Variants in ZNF600 observed in about 807,000 individuals in gnomAD.
The protein encoded by ZNF600 is zinc finger protein 600.
A neutral mutation model predicts 7.3 loss-of-function variants in ZNF600; 4 were observed. That is an observed-to-expected ratio of 0.55 (90% CI 0.27 to 1.25). ZNF600 has a LOEUF of 1.25. Ranked by LOEUF, ZNF600 falls within the 50% of genes most tolerant of loss-of-function variation. The probability of loss-of-function intolerance (pLI) is 0.12; values close to 1 mark genes in which losing one functional copy is unlikely to be tolerated. For missense variants in ZNF600, 911 were observed against 922.1 expected (o/e 0.99, Z 0.16); for synonymous variants, 290 against 308.9 (o/e 0.94, Z 0.64).
chr19:52,773,367 C>T (rs1454545957), intron 3 of ZNF600, among the ~76,000 whole-genome samples: 1 of 152,132 alleles, frequency 6.6e-6, no homozygotes, highest in Non-Finnish European at 1.5e-5. Context: ...AGTATGGTGG[C>T]CTGAGGTGAA....
chr19:52,787,538 C>G (rs985932830), upstream of ZNF600, among the ~76,000 whole-genome samples: 3 of 148,842 alleles, frequency 2.0e-5, no homozygotes, highest in Non-Finnish European at 3.0e-5. Context: ...TTTCGAGTAA[C>G]TGGAACTACA....
At chr19:52,787,878 G>A (rs28691276), upstream of ZNF600, among the ~76,000 whole-genome samples, 575 of 104,382 alleles carry the variant, frequency 5.5e-3, 15 homozygotes, top group African/African-American at 0.018. Context: ...AAAAGAAAAA[G>A]AAAAAGAAAA....
At chr19:52,797,144 TCAATA>T in the ZNF600 span, among the ~76,000 whole-genome samples, 1 of 152,168 alleles carries the variant, frequency 6.6e-6, no homozygotes, top group Non-Finnish European at 1.5e-5. Flanking sequence ...CCACATCATC[TCAATA>T]CATGTAGAAA....
the ZNF600 span, among the ~76,000 whole-genome samples, chr19:52,816,917 A>T: frequency 4.6e-5 from 7 of 151,452 alleles, no homozygotes; most frequent in Admixed American, 1.3e-4. Flanking sequence ...ATAAAAAAGC[A>T]GTACTCTCCA....
chr19:52,812,995 T>TA, the ZNF600 span, among the ~76,000 whole-genome samples: 1 of 151,030 alleles, frequency 6.6e-6, no homozygotes, highest in African/African-American at 2.4e-5. Flanking sequence ...GTAATAAAGT[T>TA]AAACTAAACT....
chr19:52,801,476 T>C, the ZNF600 span: 1 of 1,614,216 alleles, frequency 6.2e-7, no homozygotes, highest in South Asian at 1.1e-5. Context: ...CATGTTGGCC[T>C]GTACTACCAG....
chr19:52,790,679 CTCCTT>C (rs1568639523), upstream of ZNF600, among the ~76,000 whole-genome samples: 1 of 141,322 alleles, frequency 7.1e-6, no homozygotes, highest in African/African-American at 2.7e-5. Flanking sequence ...CTCTCTCTCT[CTCCTT>C]TTTTTTTTTT....
chr19:52,767,305 G>C, exon 4 of ZNF600: 1 of 1,614,128 alleles, frequency 6.2e-7, no homozygotes, highest in East Asian at 2.2e-5. Context: ...TCCTGTTTTT[G>C]TGGGAGTAGT....
chr19:52,774,407 T>C (rs1249149227), intron 3 of ZNF600, among the ~76,000 whole-genome samples, 168 bp downstream of exon 5: 1 of 128,600 alleles, frequency 7.8e-6, no homozygotes, highest in African/African-American at 2.9e-5. Flanking sequence ...CCAGCCTGGG[T>C]AACAAGAGCG....
exon 4 of ZNF600, chr19:52,765,831 G>T (rs1485889335): frequency 1.2e-6 from 2 of 1,613,816 alleles, no homozygotes; most frequent in Non-Finnish European, 1.7e-6. Context: ...TTTGTCACAT[G>T]TTTCACATTT....
the ZNF600 span, among the ~76,000 whole-genome samples, chr19:52,817,533 G>A: frequency 6.6e-6 from 1 of 151,916 alleles, no homozygotes; most frequent in Admixed American, 6.6e-5. Flanking sequence ...TCCCTTATTG[G>A]TCTCCTTTTC....
chr19:52,801,068 T>G, the ZNF600 span: 908 of 1,614,204 alleles, frequency 5.6e-4, 2 homozygotes, highest in African/African-American at 6.1e-3. Flanking sequence ...TACGATGGCA[T>G]GCAAGGTATC....
chr19:52,832,166 T>A, the ZNF600 span, among the ~76,000 whole-genome samples: 1 of 151,934 alleles, frequency 6.6e-6, no homozygotes, highest in Non-Finnish European at 1.5e-5. Flanking sequence ...TGAGAAAATA[T>A]CTCACTACTG....
At chr19:52,830,287 C>A in the ZNF600 span, among the ~76,000 whole-genome samples, 7 of 152,068 alleles carry the variant, frequency 4.6e-5, no homozygotes, top group East Asian at 1.9e-4. Context: ...AACAAACAAA[C>A]AAAAAATCTG....
the ZNF600 span, among the ~76,000 whole-genome samples, chr19:52,830,987 A>T: frequency 6.8e-6 from 1 of 147,458 alleles, no homozygotes; most frequent in Admixed American, 6.8e-5. Flanking sequence ...ATTACAATAC[A>T]GGCAAGGGAC....
At chr19:52,822,206 G>A in the ZNF600 span, among the ~76,000 whole-genome samples, 34 of 150,420 alleles carry the variant, frequency 2.3e-4, no homozygotes, top group Non-Finnish European at 4.1e-4. Flanking sequence ...CGGAGTAGCT[G>A]GCACTACAGG....
At chr19:52,766,297 T>C in exon 4 of ZNF600, 1 of 1,614,084 alleles carries the variant, frequency 6.2e-7, no homozygotes, top group Non-Finnish European at 8.5e-7. Context: ...CTAGTATGTT[T>C]TGCCAGATAG....
chr19:52,791,340 T>A (rs140600375), upstream of ZNF600, among the ~76,000 whole-genome samples: 8 of 152,342 alleles, frequency 5.3e-5, no homozygotes, highest in East Asian at 9.7e-4. Flanking sequence ...GGAGATGGAA[T>A]CTCAGAGCAG....
the ZNF600 span, chr19:52,805,493 G>A: frequency 6.6e-6 from 1 of 151,646 alleles, no homozygotes; most frequent in African/African-American, 2.4e-5. Context: ...TGGGTGTAGT[G>A]GTGCACACTT....
Sources: allele counts gnomAD v4.1 joint callset (sites outside exome capture counted in the v4.1 genomes callset), GRCh38; gene constraint gnomAD v4.1.1; transcripts MANE v1.5; gene names NCBI Gene and HGNC (gene_info 2026-07-23, HGNC 2026-07-21).